Variants in METAP1D observed in about 807,000 individuals in gnomAD.
METAP1D encodes the protein methionyl aminopeptidase type 1D, mitochondrial, also known as methionine aminopeptidase 1D, mitochondrial.
In METAP1D, 31 loss-of-function variants were observed where a neutral mutation model predicts 40.5. That is an observed-to-expected ratio of 0.77 (90% CI 0.58 to 1.03). METAP1D has a LOEUF of 1.03. Ranked by LOEUF, METAP1D falls within the 50% of genes least tolerant of loss-of-function variation. The pLI is 0.00. For missense variants in METAP1D, 411 were observed against 420.7 expected (o/e 0.98, Z 0.20); for synonymous variants, 151 against 146.4 (o/e 1.03, Z -0.22).
intron 1 of METAP1D, among the ~76,000 whole-genome samples, chr2:172,046,315 A>C (rs568225454): frequency 3.3e-5 from 5 of 152,118 alleles, no homozygotes; most frequent in African/African-American, 1.2e-4. Flanking sequence ...GACTAGGAAA[A>C]TACTGTTGAC....
At chr2:172,011,659 T>G (rs1401833072) in intron 1 of METAP1D, among the ~76,000 whole-genome samples, 4 of 152,234 alleles carry the variant, frequency 2.6e-5, no homozygotes, top group Non-Finnish European at 5.9e-5. Flanking sequence ...CAGTCTTTTG[T>G]GACTGGCTTC....
intron 1 of METAP1D, among the ~76,000 whole-genome samples, chr2:172,050,308 C>G (rs531323144): frequency 6.6e-6 from 1 of 152,014 alleles, no homozygotes; most frequent in East Asian, 1.9e-4. Flanking sequence ...TATAAGCCCT[C>G]ATATCTTCTG....
At position 172,065,617 on chromosome 2, in the gene METAP1D, C is replaced by CT. The variant is rs1480259623; in HGVS notation, c.363dup (p.Glu122Ter). 14 of 1,613,558 alleles carry CT rather than the reference C, an allele frequency of 8.7e-6. No homozygotes were observed. In the South Asian group the frequency reaches 1.5e-4, roughly 18 times the overall value. On this transcript the variant is annotated frameshift_variant, in exon 4 of 10. Coordinates refer to ENST00000315796, the MANE Select transcript of METAP1D (RefSeq NM_199227.3). LOFTEE classifies it high-confidence loss of function. The stretch of plus-strand genomic sequence containing the variant: ...TTAACATTTTAGGTTGACATGACAA[C>CT]TGAAGAGATAGATGCTCTTGTTCAT...
At chr2:172,054,514 C>G (rs931826803) in intron 1 of METAP1D, among the ~76,000 whole-genome samples, 4 of 105,348 alleles carry the variant, frequency 3.8e-5, no homozygotes, top group South Asian at 3.0e-4. Flanking sequence ...CAAGAAGACT[C>G]TGTCTCAAAA....
In METAP1D at chr2:172,041,568, C is replaced by T. The variant is rs1047435991; in HGVS notation, c.41-19930C>T. On this transcript the variant is annotated intron_variant, in intron 1 of 9. Transcript: ENST00000315796. ...AACAACTAAAAAAGATCATGTAGAT[C>T]TATATTGTTTTGTTAGAGACAGGAC... is the stretch of plus-strand genomic sequence containing the variant. 2.4e-5 allele frequency among the ~76,000 whole-genome samples: 3 copies of T among 126,042 alleles called. 1 individual carries two copies. In the Admixed American group the frequency reaches 2.4e-4, roughly 10 times the overall value. The allele number at this position is 126,042 out of a possible 152,430, so 82.7% of individuals were successfully genotyped here. A position where few individuals can be genotyped will look rare whatever the true frequency, so the allele number is the denominator to read the frequency against.
chr2:172,011,674 A>G (rs1318900907), intron 1 of METAP1D, among the ~76,000 whole-genome samples: 4 of 152,122 alleles, frequency 2.6e-5, no homozygotes, highest in Admixed American at 2.6e-4. Context: ...GGCTTCTTTC[A>G]TTTAGCATGA....
intron 1 of METAP1D, among the ~76,000 whole-genome samples, chr2:172,006,266 C>G (rs1688580974): frequency 6.6e-6 from 1 of 151,764 alleles, no homozygotes; most frequent in Non-Finnish European, 1.5e-5. Flanking sequence ...TCACTGCAAG[C>G]TCCGCCTCCC....
At chr2:172,047,677 C>T (rs556016515) in intron 1 of METAP1D, among the ~76,000 whole-genome samples, 18 of 152,290 alleles carry the variant, frequency 1.2e-4, no homozygotes, top group African/African-American at 3.8e-4. Context: ...TCAAAGGATC[C>T]GCACACCTCG....
chr2:172,049,826 C>T (rs768600306), intron 1 of METAP1D, among the ~76,000 whole-genome samples: 6 of 152,138 alleles, frequency 3.9e-5, no homozygotes, highest in South Asian at 4.1e-4. Context: ...TTAGCTTTCT[C>T]ATTTTAGGTA....
At chr2:172,017,373 G>A (rs992037416) in intron 1 of METAP1D, among the ~76,000 whole-genome samples, 13 of 146,648 alleles carry the variant, frequency 8.9e-5, no homozygotes, top group African/African-American at 3.2e-4. Flanking sequence ...GTATATATAT[G>A]TGTATATATA....
intron 1 of METAP1D, among the ~76,000 whole-genome samples, chr2:172,058,061 CCTCCTGAGTAGCTGGA>C (rs967725665): frequency 6.6e-6 from 1 of 151,952 alleles, no homozygotes; most frequent in African/African-American, 2.4e-5. Context: ...CCTGCCTCAG[CCTCCTGAGTAGCTGGA>C]CTCCTGAGTA....
At chr2:172,048,771 A>G (rs916895097) in intron 1 of METAP1D, among the ~76,000 whole-genome samples, 1 of 152,216 alleles carries the variant, frequency 6.6e-6, no homozygotes, top group Non-Finnish European at 1.5e-5. Context: ...TGTTTTACAC[A>G]TCAAATATTT....
Position 172,079,223 on chromosome 2 carries a change from A to G in METAP1D, c.811A>G (p.Ser271Gly), listed in dbSNP as rs763062603. Reference sequence around the variant, plus strand: ...TGTTTTTTGTTTTGCAGCAAACGACAGTGATCTACCCATGGAGGAGGGCAT... The same window carrying G: ...TGTTTTTTGTTTTGCAGCAAACGACGGTGATCTACCCATGGAGGAGGGCAT... ...HPEIWHHANDSDLPMEEGMAF... is the reference protein window; with the variant it reads ...HPEIWHHANDGDLPMEEGMAF... Residue 271 changes from serine to glycine, a missense_variant, in exon 8 of 10, where the codon AGT becomes GGT. Transcript: ENST00000315796. 1 of 1,613,882 alleles carries G rather than the reference A, an allele frequency of 6.2e-7. No individual in the cohort carries two copies. Among genetic ancestry groups the G allele is most frequent in the South Asian group, 1.1e-5 (1 of 91,060 alleles).
At chr2:172,012,868 C>G (rs767136411) in intron 1 of METAP1D, among the ~76,000 whole-genome samples, 1 of 152,166 alleles carries the variant, frequency 6.6e-6, no homozygotes. Flanking sequence ...AACATACCTA[C>G]TAGATCTCCC....
chr2:172,042,638 CAT>C lies in METAP1D; in HGVS notation c.41-18857_41-18856del, dbSNP rs1491382677. Among the ~76,000 whole-genome samples the C allele has an allele frequency of 7.7e-3, 149 of 19,402 alleles. 69 individuals carry two copies. Among genetic ancestry groups the C allele is most frequent in the Non-Finnish European group, 0.025 (110 of 4,348 alleles). 12.7% of individuals were successfully genotyped at this position (19,402 alleles called of 152,430 possible). ...ATATGTGTGTATGTGTACACATATACATATGTGTGTATGTGTATATGTGTACA... is the reference window on the plus strand; with the variant it reads ...ATATGTGTGTATGTGTACACATATACATGTGTGTATGTGTATATGTGTACA... On this transcript the variant is annotated intron_variant, in intron 1 of 9. Transcript: ENST00000315796.
intron 1 of METAP1D, among the ~76,000 whole-genome samples, chr2:172,015,919 A>T (rs950685626): frequency 6.6e-6 from 1 of 151,764 alleles, no homozygotes; most frequent in East Asian, 1.9e-4. Flanking sequence ...GTGCCACTGC[A>T]CTCCAGCCTG....
intron 1 of METAP1D, among the ~76,000 whole-genome samples, chr2:172,027,507 C>A (rs932687478): frequency 6.6e-6 from 1 of 152,132 alleles, no homozygotes; most frequent in Non-Finnish European, 1.5e-5. Context: ...TGTGTAAGTA[C>A]CCTTTAGGAT....
chr2:172,001,521 G>A (rs962080380), intron 1 of METAP1D, among the ~76,000 whole-genome samples: 1 of 151,744 alleles, frequency 6.6e-6, no homozygotes, highest in Non-Finnish European at 1.5e-5. Context: ...CTGGGCGACA[G>A]AGCGAGACTC....
chr2:172,080,161 A>G lies in METAP1D; in HGVS notation c.884A>G (p.Lys295Arg). The G allele has an allele frequency of 1.2e-6, 2 of 1,614,234 alleles. No homozygotes were observed. Among genetic ancestry groups the G allele is most frequent in the South Asian group, 2.2e-5 (2 of 91,088 alleles). ...PIITEGSPEF[K>R]VLEDAWTVVS... The stretch of plus-strand genomic sequence containing the variant: ...ATCACGGAGGGATCCCCTGAATTTA[A>G]AGTCCTGGAGGATGCATGGACTGTG... The change falls in exon 9 of 10, where the codon AAA becomes AGA. Residue 295 changes from lysine (K) to arginine (R), a missense_variant. Transcript: ENST00000315796.
Sources: gnomAD v4.1 joint callset for allele counts (sites outside exome capture counted in the v4.1 genomes callset) on GRCh38, gnomAD v4.1.1 for gene constraint, MANE v1.5 for transcripts, NCBI Gene and HGNC (gene_info 2026-07-23, HGNC 2026-07-21) for gene names.